Variants in ERC2 observed in about 807,000 individuals in gnomAD.
The protein encoded by ERC2 is ERC protein 2.
A neutral mutation model predicts 114.8 loss-of-function variants in ERC2; 42 were observed. The ratio of observed to expected loss-of-function variants is 0.37; its 90% CI spans 0.29 to 0.47. ERC2 has a LOEUF of 0.47. Ranked by LOEUF, ERC2 falls within the 20% of genes least tolerant of loss-of-function variation. The pLI, the probability that ERC2 is intolerant of heterozygous loss-of-function variation, is 0.99. For synonymous variants in ERC2, 454 were observed against 425.5 expected, an observed-to-expected ratio of 1.07 and a Z score of -0.82; for missense variants, 939 against 1,150.7, an observed-to-expected ratio of 0.82 and a Z score of 2.66.
intron 3 of ERC2, among the ~76,000 whole-genome samples, chr3:56,220,135 T>C (rs1389486432): frequency 1.3e-5 from 2 of 152,172 alleles, no homozygotes; most frequent in Non-Finnish European, 2.9e-5. Flanking sequence ...GTTTATCCCC[T>C]ACAATATCTT....
chr3:55,674,881 T>A (rs949514049), intron 17 of ERC2, among the ~76,000 whole-genome samples: 1 of 152,072 alleles, frequency 6.6e-6, no homozygotes, highest in Admixed American at 6.5e-5. Flanking sequence ...CCTGATTTAT[T>A]AAGGTGCACA....
At chr3:56,320,112 GAGGCTTTTAT>G (rs2057059147) in intron 2 of ERC2, among the ~76,000 whole-genome samples, 1 of 152,188 alleles carries the variant, frequency 6.6e-6, no homozygotes, top group African/African-American at 2.4e-5. Flanking sequence ...ATACAACGGG[GAGGCTTTTAT>G]AGGATAAACA....
At chr3:56,408,825 T>C (rs1044435210) in intron 2 of ERC2, among the ~76,000 whole-genome samples, 3 of 152,218 alleles carry the variant, frequency 2.0e-5, no homozygotes, top group South Asian at 2.1e-4. Context: ...GTAAGCCCGC[T>C]GTCCCCCAGG....
chr3:55,643,608 G>T (rs1373200020), intron 17 of ERC2, among the ~76,000 whole-genome samples: 2 of 152,132 alleles, frequency 1.3e-5, no homozygotes, highest in African/African-American at 4.8e-5. Flanking sequence ...ACCTCATAGG[G>T]TTATCATGAA....
At chr3:56,095,991 G>A (rs2078042513) in intron 6 of ERC2, among the ~76,000 whole-genome samples, 1 of 152,126 alleles carries the variant, frequency 6.6e-6, no homozygotes, top group Non-Finnish European at 1.5e-5. Context: ...ATGGCTTAGG[G>A]AAAGAAAGAT....
At chr3:55,839,772 G>A (rs1432071551) in intron 14 of ERC2, among the ~76,000 whole-genome samples, 12 of 151,792 alleles carry the variant, frequency 7.9e-5, no homozygotes, top group Admixed American at 7.2e-4. Context: ...AGTAAAAAGA[G>A]GAATTAACGA....
At chr3:55,875,588 C>T (rs942996802) in intron 14 of ERC2, among the ~76,000 whole-genome samples, 3 of 152,206 alleles carry the variant, frequency 2.0e-5, no homozygotes, top group East Asian at 3.9e-4. Flanking sequence ...CTATAGTTCT[C>T]GATCGCTTTG....
intron 1 of ERC2, among the ~76,000 whole-genome samples, chr3:56,444,245 A>G: frequency 6.6e-6 from 1 of 151,646 alleles, no homozygotes; most frequent in South Asian, 2.1e-4. Context: ...TGCTGGGATT[A>G]CAGGCGTGAG....
intron 14 of ERC2, among the ~76,000 whole-genome samples, chr3:55,820,059 C>T (rs1327704543): frequency 1.3e-5 from 2 of 152,228 alleles, no homozygotes; most frequent in East Asian, 3.9e-4. Flanking sequence ...AGCAGAATGC[C>T]CATTGCAGAC....
At chr3:56,281,056 T>C (rs148675217) in intron 3 of ERC2, among the ~76,000 whole-genome samples, 229 of 152,348 alleles carry the variant, frequency 1.5e-3, no homozygotes, top group African/African-American at 4.8e-3. Context: ...AGTTCTTAAG[T>C]TGTCCAAAAA....
intron 3 of ERC2, among the ~76,000 whole-genome samples, chr3:56,290,285 A>C (rs1213254266): frequency 6.6e-6 from 1 of 152,208 alleles, no homozygotes; most frequent in East Asian, 1.9e-4. Flanking sequence ...AATTCTCTAG[A>C]TATTTTTAAC....
At chr3:56,011,306 C>T (rs2072915045) in intron 8 of ERC2, among the ~76,000 whole-genome samples, 1 of 152,190 alleles carries the variant, frequency 6.6e-6, no homozygotes, top group South Asian at 2.1e-4. Context: ...CTGTGATGTG[C>T]TCTCCTCATC....
At chr3:55,580,253 G>A (rs1271465912) in intron 17 of ERC2, among the ~76,000 whole-genome samples, 1 of 151,510 alleles carries the variant, frequency 6.6e-6, no homozygotes, top group Non-Finnish European at 1.5e-5. Context: ...TTTGTCTTGG[G>A]GAAGCTTGAA....
At chr3:56,325,172 C>T (rs572213919) in intron 2 of ERC2, among the ~76,000 whole-genome samples, 19 of 152,086 alleles carry the variant, frequency 1.2e-4, no homozygotes, top group African/African-American at 2.2e-4. Flanking sequence ...CGGCTGGGTG[C>T]GGTGGCTCAC....
intron 8 of ERC2, among the ~76,000 whole-genome samples, chr3:56,017,379 G>C (rs974362408): frequency 1.3e-5 from 2 of 152,084 alleles, no homozygotes; most frequent in African/African-American, 4.8e-5. Context: ...TTTGCCTAAA[G>C]GATTTTATTC....
chr3:55,527,741 G>A (rs546446476), intron 17 of ERC2, among the ~76,000 whole-genome samples: 3 of 152,126 alleles, frequency 2.0e-5, no homozygotes, highest in South Asian at 2.1e-4. Flanking sequence ...AAACTCAATC[G>A]CAAAATGATT....
chr3:56,000,131 G>C (rs945598064), intron 10 of ERC2, among the ~76,000 whole-genome samples: 2 of 151,946 alleles, frequency 1.3e-5, no homozygotes, highest in South Asian at 4.1e-4. Flanking sequence ...AGAATTGTTT[G>C]ATAAATCATG....
intron 17 of ERC2, among the ~76,000 whole-genome samples, chr3:55,595,397 G>A (rs929844282): frequency 2.6e-5 from 4 of 152,196 alleles, no homozygotes; most frequent in African/African-American, 9.6e-5. Flanking sequence ...TTCCTGTCCA[G>A]TACCAAAGCT....
intron 16 of ERC2, among the ~76,000 whole-genome samples, chr3:55,691,581 T>A (rs1218183323): frequency 2.2e-4 from 27 of 122,738 alleles, no homozygotes; most frequent in African/African-American, 8.5e-4. Flanking sequence ...AAAATATATA[T>A]ATATATATAT....
Sources: gnomAD v4.1 joint callset for allele counts (sites outside exome capture counted in the v4.1 genomes callset) on GRCh38, gnomAD v4.1.1 for gene constraint, MANE v1.5 for transcripts, NCBI Gene and HGNC (gene_info 2026-07-23, HGNC 2026-07-21) for gene names.